The following RBM33 variants were observed in gnomAD, a reference collection of about 807,000 sequenced individuals.
RBM33 encodes the protein RNA binding motif protein 33.
RBM33 carries 28 observed loss-of-function variants against 132.6 expected under a neutral mutation model. The observed-to-expected ratio is 0.21, with a 90% CI of 0.16 to 0.29. The LOEUF is 0.29. Among genes scored for constraint, RBM33 ranks in the 10% least tolerant of loss-of-function variants. The pLI, the probability that RBM33 is intolerant of heterozygous loss-of-function variation, is 1.00. For synonymous variants in RBM33, 634 were observed against 593.0 expected (o/e 1.07, Z -1.01); for missense variants, 1,291 against 1,518.5 (o/e 0.85, Z 2.49).
intron 13 of RBM33, among the ~76,000 whole-genome samples, chr7:155,744,098 T>C (rs557033149): frequency 7.1e-4 from 108 of 152,346 alleles, no homozygotes; most frequent in Non-Finnish European, 2.5e-4. Flanking sequence ...TCAGCTGTGC[T>C]TTTGTCTTAA....
In RBM33 at chr7:155,775,528, G is replaced by C. The variant is rs1464155748; in HGVS notation, c.*487G>C. 1 of 179,586 alleles carries C rather than the reference G, an allele frequency of 5.6e-6. No homozygotes were observed. The highest frequency in any genetic ancestry group is 1.4e-4 in the East Asian group (1 of 7,020). 11.1% of individuals were successfully genotyped at this position (179,586 alleles called of 1,614,324 possible). On this transcript the variant is annotated 3_prime_UTR_variant, in exon 18 of 18. Transcript: ENST00000401878. ...TCTTCTCAGCCCTCAAAAGGCTCTT[G>C]TACAAAATGTAGATTAAAATTTGGG...
rs533495049 is a variant in RBM33 at position 155,738,903 on chromosome 7, C to T, written c.1737+500C>T. The T allele has an allele frequency of 2.0e-4, 31 of 158,244 alleles. 1 individual carries two copies. In the South Asian group the frequency reaches 4.9e-3, roughly 25 times the overall value. 9.8% of individuals were successfully genotyped at this position (158,244 alleles called of 1,614,324 possible). On this transcript the variant is annotated intron_variant, in intron 11 of 17. Transcript: ENST00000401878. ...CTGGTTATTTGAAGGCCTTGAGTGC[C>T]CTCTGCCCATCGGCTTCTGCTTCAT...
chr7:155,714,083 T>A (rs1248304208), intron 8 of RBM33, among the ~76,000 whole-genome samples: 2 of 152,066 alleles, frequency 1.3e-5, no homozygotes. Context: ...GAAGAGTGGA[T>A]GTGCGCAGGG....
chr7:155,773,568 C>CAAAAAAAAAA (rs201127157), intron 16 of RBM33, among the ~76,000 whole-genome samples: 20 of 50,476 alleles, frequency 4.0e-4, no homozygotes, highest in African/African-American at 1.6e-3. Context: ...ACTCCATCTC[C>CAAAAAAAAAA]AAAAAAAAAA....
intron 14 of RBM33, among the ~76,000 whole-genome samples, chr7:155,757,311 A>G (rs4716904): frequency 0.065 from 9,824 of 152,190 alleles, 475 homozygotes; most frequent in African/African-American, 0.14. Flanking sequence ...GTTCTGTAGA[A>G]TTAGCTTTTC....
chr7:155,672,352 C>T (rs1325616417), intron 2 of RBM33, among the ~76,000 whole-genome samples: 1 of 152,150 alleles, frequency 6.6e-6, no homozygotes, highest in Non-Finnish European at 1.5e-5. Flanking sequence ...TGAGGCACTA[C>T]CTATAGCAAA....
intron 3 of RBM33, among the ~76,000 whole-genome samples, chr7:155,675,074 AG>A (rs1396817056): frequency 6.6e-6 from 1 of 152,168 alleles, no homozygotes; most frequent in Non-Finnish European, 1.5e-5. Context: ...TGGGAAGCTG[AG>A]GCAGGTGGAC....
At chr7:155,747,451 G>GCCT (rs1317851152) in intron 14 of RBM33, among the ~76,000 whole-genome samples, 1 of 152,196 alleles carries the variant, frequency 6.6e-6, no homozygotes, top group African/African-American at 2.4e-5. Flanking sequence ...GTAGAGGGCT[G>GCCT]CATGTACTCT....
Position 155,689,936 on chromosome 7 carries a change from T to A in RBM33, c.567+9028T>A, listed in dbSNP as rs183173712. On this transcript the variant is annotated intron_variant, in intron 5 of 17. Transcript: ENST00000401878. ...AATAAGTGTGATGTGCTGAGAAGAA[T>A]GTATGTTCTGCTGATTTAGGGTGGA... 1.4e-3 allele frequency among the ~76,000 whole-genome samples: 216 copies of A among 152,322 alleles called. 4 individuals carry two copies. Among genetic ancestry groups the A allele is most frequent in the African/African-American group, 5.0e-3 (206 of 41,568 alleles).
At chr7:155,666,337 C>T (rs1208635326) in intron 2 of RBM33, among the ~76,000 whole-genome samples, 1 of 152,192 alleles carries the variant, frequency 6.6e-6, no homozygotes, top group Non-Finnish European at 1.5e-5. Flanking sequence ...TGAATTTGCC[C>T]AACTCCAACT....
At chr7:155,694,591 G>T (rs1435492075) in intron 5 of RBM33, among the ~76,000 whole-genome samples, 1 of 152,198 alleles carries the variant, frequency 6.6e-6, no homozygotes, top group Non-Finnish European at 1.5e-5. Flanking sequence ...TGTCTGTTCA[G>T]TCCTGACTCC....
At chr7:155,669,515 G>A (rs369870251) in intron 2 of RBM33, among the ~76,000 whole-genome samples, 79 of 152,264 alleles carry the variant, frequency 5.2e-4, no homozygotes, top group African/African-American at 1.8e-3. Flanking sequence ...ACCGTGCCTG[G>A]CTAATATTTA....
chr7:155,669,890 C>T (rs964490696), intron 2 of RBM33, among the ~76,000 whole-genome samples: 1 of 152,138 alleles, frequency 6.6e-6, no homozygotes, highest in Non-Finnish European at 1.5e-5. Flanking sequence ...TGGTGCGTCC[C>T]AATGGGCGAA....
chr7:155,704,370 C>T (rs1395026683), intron 6 of RBM33, among the ~76,000 whole-genome samples: 1 of 152,134 alleles, frequency 6.6e-6, no homozygotes, highest in African/African-American at 2.4e-5. Flanking sequence ...GAACTACATA[C>T]CTAGGAAATA....
intron 3 of RBM33, among the ~76,000 whole-genome samples, chr7:155,673,766 GCGCACA>G (rs1300129926): frequency 4.3e-4 from 52 of 120,304 alleles, no homozygotes; most frequent in Non-Finnish European, 5.9e-4. Flanking sequence ...GCGCGCATGC[GCGCACA>G]CACACACACA....
chr7:155,677,348 A>G (rs1363925240), intron 3 of RBM33, among the ~76,000 whole-genome samples: 1 of 151,522 alleles, frequency 6.6e-6, no homozygotes, highest in Non-Finnish European at 1.5e-5. Flanking sequence ...AGCTGGGACT[A>G]CAGGCGCCCC....
chr7:155,764,091 A>G (rs1326886314), intron 15 of RBM33, 73 bp downstream of exon 15: 34 of 1,198,832 alleles, frequency 2.8e-5, no homozygotes, highest in South Asian at 9.5e-5. Flanking sequence ...GACGTGCTCT[A>G]ATTTGTAGCG....
chr7:155,720,434 G>A (rs1800587355), intron 9 of RBM33, among the ~76,000 whole-genome samples: 1 of 152,154 alleles, frequency 6.6e-6, no homozygotes, highest in East Asian at 1.9e-4. Flanking sequence ...GTCTTGTTGG[G>A]AAGGAAAATA....
At chr7:155,658,650 C>G (rs911674608) in intron 1 of RBM33, among the ~76,000 whole-genome samples, 1 of 152,148 alleles carries the variant, frequency 6.6e-6, no homozygotes, top group Non-Finnish European at 1.5e-5. Context: ...CCACCCGCCT[C>G]GGCCTCCCAA....
Sources: allele counts gnomAD v4.1 joint callset (sites outside exome capture counted in the v4.1 genomes callset), GRCh38; gene constraint gnomAD v4.1.1; transcripts MANE v1.5; gene names NCBI Gene and HGNC (gene_info 2026-07-23, HGNC 2026-07-21).